Variants in DMD observed in about 807,000 individuals in gnomAD.
DMD encodes dystrophin.
A neutral mutation model predicts 330.1 loss-of-function variants in DMD; 63 were observed. That is an observed-to-expected ratio of 0.19 (90% CI 0.16 to 0.24). The LOEUF (loss-of-function observed/expected upper bound fraction) is 0.24. DMD is among the 10% of genes least tolerant of loss of function. The pLI, the probability that DMD is intolerant of heterozygous loss-of-function variation, is 1.00. For missense variants in DMD, 3,344 were observed against 2,684.1 expected (o/e 1.25, Z -5.43); for synonymous variants, 1,223 against 959.8 (o/e 1.27, Z -5.07).
intron 2 of DMD, among the ~76,000 whole-genome samples, chrX:32,862,474 G>A (rs1177551839): frequency 9.0e-6 from 1 of 111,657 alleles, no homozygotes; most frequent in Non-Finnish European, 1.9e-5. Flanking sequence ...GTCTGATCAG[G>A]TCTATCCTTA....
chrX:33,204,185 A>G (rs191882101), intron 1 of DMD, among the ~76,000 whole-genome samples: 13 of 111,802 alleles, frequency 1.2e-4, no homozygotes, highest in Admixed American at 3.8e-4. Flanking sequence ...TCAGTTTTCT[A>G]CCTGAAACCC....
chrX:33,000,009 C>A (rs2093238041), intron 2 of DMD, among the ~76,000 whole-genome samples: 1 of 112,084 alleles, frequency 8.9e-6, no homozygotes, highest in Non-Finnish European at 1.9e-5. Flanking sequence ...TTTTCCATAT[C>A]ATTTCCTGGG....
intron 54 of DMD, among the ~76,000 whole-genome samples, chrX:31,628,941 T>TATAA (rs1319231616): frequency 3.9e-5 from 4 of 102,196 alleles, no homozygotes; most frequent in African/African-American, 1.4e-4. Flanking sequence ...TATATATATA[T>TATAA]AAAATGCATG....
chrX:32,820,814 T>A (rs1026160789), intron 5 of DMD, among the ~76,000 whole-genome samples: 1 of 112,170 alleles, frequency 8.9e-6, no homozygotes, highest in Non-Finnish European at 1.9e-5. Context: ...CAGAGTACCA[T>A]TTATGTCTAA....
At chrX:32,305,545 C>G (rs1434185302) in intron 42 of DMD, among the ~76,000 whole-genome samples, 1 of 111,130 alleles carries the variant, frequency 9.0e-6, no homozygotes, top group Non-Finnish European at 1.9e-5. Context: ...ATCTGACATT[C>G]TCTCACTACC....
chrX:31,365,777 C>T (rs946585000), intron 60 of DMD, among the ~76,000 whole-genome samples: 1 of 112,593 alleles, frequency 8.9e-6, no homozygotes, highest in Non-Finnish European at 1.9e-5. Context: ...AAAGTATTCC[C>T]CACCTCCTGG....
chrX:32,834,200 G>C (rs1182677497), intron 4 of DMD, among the ~76,000 whole-genome samples: 1 of 111,468 alleles, frequency 9.0e-6, no homozygotes, highest in African/African-American at 3.2e-5. Context: ...CTGCAAACTT[G>C]AGAATTAATA....
chrX:31,918,571 C>T lies in DMD; in HGVS notation c.6912+11025G>A, dbSNP rs1467135120. Among the ~76,000 whole-genome samples the T allele has an allele frequency of 1.2e-4, 13 of 111,802 alleles. No homozygotes were observed. The Admixed American group carries it at 1.2e-3, about 11-fold the overall frequency. On this transcript the variant is annotated intron_variant, in intron 47 of 78. Coordinates refer to ENST00000357033, the MANE Select transcript of DMD (RefSeq NM_004006.3). ...CCCGAAGTAGAAATGATTATTTAAT[C>T]ATACTGCATTCTAGTTTCAGCATAA...
chrX:33,248,284 G>A (rs766361558), intron 1 of DMD, among the ~76,000 whole-genome samples: 57 of 111,374 alleles, frequency 5.1e-4, no homozygotes, highest in Admixed American at 3.5e-3. Context: ...CTCATGATCC[G>A]CCCACCTCAG....
At chrX:32,910,723 G>T (rs1202415589) in intron 2 of DMD, among the ~76,000 whole-genome samples, 1 of 112,009 alleles carries the variant, frequency 8.9e-6, no homozygotes, top group Non-Finnish European at 1.9e-5. Context: ...TTACAGGAGT[G>T]AGCCACCGCG....
At chrX:32,361,236 A>G (rs977269145) in intron 37 of DMD, among the ~76,000 whole-genome samples, 7 of 111,682 alleles carry the variant, frequency 6.3e-5, no homozygotes, top group Admixed American at 9.8e-5. Context: ...TAAGCCATTG[A>G]TATCTTTAGA....
intron 51 of DMD, among the ~76,000 whole-genome samples, chrX:31,766,873 T>TTTTGTGTGTGTGTGTGTG (rs777387208): frequency 3.0e-5 from 3 of 101,052 alleles, no homozygotes; most frequent in African/African-American, 1.1e-4. Context: ...AAATATGATT[T>TTTTGTGTGTGTGTGTGTG]TGTGTGTGTG....
chrX:32,299,354 T>A (rs1295963714), intron 42 of DMD, among the ~76,000 whole-genome samples: 1 of 110,801 alleles, frequency 9.0e-6, no homozygotes, highest in East Asian at 2.8e-4. Context: ...TTAGCCCATC[T>A]TTTTTTCCAG....
At chrX:32,605,879 G>GT (rs1480140307) in intron 12 of DMD, among the ~76,000 whole-genome samples, 4 of 109,518 alleles carry the variant, frequency 3.7e-5, no homozygotes, top group Non-Finnish European at 7.7e-5. Context: ...GCTATTATTT[G>GT]TTTTTTTCAA....
chrX:31,255,053 A>C (rs1255996051), intron 63 of DMD, among the ~76,000 whole-genome samples: 1 of 108,990 alleles, frequency 9.2e-6, no homozygotes, highest in African/African-American at 3.3e-5. Context: ...AAAAAAAAAA[A>C]AAAAAACCCC....
intron 45 of DMD, among the ~76,000 whole-genome samples, chrX:31,966,076 A>G (rs2150174255): frequency 9.0e-6 from 1 of 111,466 alleles, no homozygotes; most frequent in Admixed American, 9.6e-5. Context: ...TAACCGCTGT[A>G]CTTAAAGTCC....
chrX:32,376,963 G>C (rs972440934), intron 34 of DMD, among the ~76,000 whole-genome samples: 3 of 111,328 alleles, frequency 2.7e-5, no homozygotes, highest in Non-Finnish European at 5.7e-5. Flanking sequence ...AACACGGCTA[G>C]TTAAAAACCA....
chrX:33,261,800 C>T (rs2052960953), intron 1 of DMD, among the ~76,000 whole-genome samples: 1 of 110,414 alleles, frequency 9.1e-6, no homozygotes, highest in Admixed American at 9.8e-5. Flanking sequence ...ATTCCAGGGG[C>T]CAGATGGGGA....
intron 30 of DMD, among the ~76,000 whole-genome samples, chrX:32,406,085 T>A (rs190075431): frequency 9.0e-6 from 1 of 111,727 alleles, no homozygotes; most frequent in African/African-American, 3.3e-5. Context: ...ATGCTTGTGA[T>A]TTTTGCACAT....
Sources: allele counts gnomAD v4.1 joint callset (sites outside exome capture counted in the v4.1 genomes callset), GRCh38; gene constraint gnomAD v4.1.1; transcripts MANE v1.5; gene names NCBI Gene and HGNC (gene_info 2026-07-23, HGNC 2026-07-21).